MACROD1: variants seen among roughly 807,000 people sequenced by gnomAD.
The protein encoded by MACROD1 is ADP-ribose glycohydrolase MACROD1.
In MACROD1, 31 loss-of-function variants were observed where a neutral mutation model predicts 41.4. The ratio of observed to expected loss-of-function variants is 0.75; its 90% CI spans 0.56 to 1.01. MACROD1 has a LOEUF of 1.01. Among genes scored for constraint, MACROD1 ranks in the 50% least tolerant of loss-of-function variants. The probability of loss-of-function intolerance (pLI) is 0.00; values close to 1 mark genes in which losing one functional copy is unlikely to be tolerated. For missense variants in MACROD1, 473 were observed against 460.0 expected (o/e 1.03, Z -0.26); for synonymous variants, 252 against 203.4 (o/e 1.24, Z -2.03).
At chr11:64,031,261 C>G (rs1565201095) in intron 3 of MACROD1, among the ~76,000 whole-genome samples, 4 of 152,092 alleles carry the variant, frequency 2.6e-5, no homozygotes, top group Admixed American at 2.0e-4. Context: ...CTTGGGGCAC[C>G]CTCTCTGGGA....
At chr11:64,151,965 C>G (rs985029368) in intron 2 of MACROD1, among the ~76,000 whole-genome samples, 2 of 152,086 alleles carry the variant, frequency 1.3e-5, no homozygotes, top group Non-Finnish European at 2.9e-5. Flanking sequence ...CCCATCTCTA[C>G]TAAAAATACA....
intron 7 of MACROD1, 23 bp from the exon 8 acceptor site, chr11:63,999,427 G>A: frequency 6.4e-7 from 1 of 1,559,104 alleles, no homozygotes; most frequent in Non-Finnish European, 8.7e-7. Flanking sequence ...GGGCGGGAGT[G>A]AGTCCTAGGC....
chr11:64,165,840 C>T lies in MACROD1; in HGVS notation c.155G>A (p.Gly52Asp). Residue 52 changes from glycine (G) to aspartate (D), a missense_variant, in exon 1 of 11, where the codon GGC becomes GAC. Physicochemically the swap from Gly to Asp is moderately conservative, Grantham distance 94 (BLOSUM62 -1). Coordinates refer to ENST00000255681, the MANE Select transcript of MACROD1 (RefSeq NM_014067.4). Reference sequence around the variant, plus strand: ...TCCCGCCGAGGTCCGCGCACGGCGGCCGAACACGCCCAGGAACGCCGGGGG... The same window carrying T: ...TCCCGCCGAGGTCCGCGCACGGCGGTCGAACACGCCCAGGAACGCCGGGGG... ...CGPPAFLGVF[G>D]RRARTSAGVG... 2.0e-6 allele frequency: 3 copies of T among 1,474,652 alleles called. No homozygotes were observed. The highest frequency in any genetic ancestry group is 1.3e-5 in the South Asian group (1 of 75,724). The allele number at this position is 1,474,652 out of a possible 1,614,324, so 91.3% of individuals were successfully genotyped here.
At chr11:64,011,285 GGTTGGGGTGTTGGCTGGCATGTT>G (rs1488362166) in intron 4 of MACROD1, among the ~76,000 whole-genome samples, 8 of 151,082 alleles carry the variant, frequency 5.3e-5, no homozygotes, top group African/African-American at 9.7e-5. Flanking sequence ...CTGGCATGCT[GGTTGGGGTGTTGGCTGGCATGTT>G]GTTGGGGTGT....
At chr11:64,000,765 C>G (rs1044292867) in intron 4 of MACROD1, among the ~76,000 whole-genome samples, 2 of 152,046 alleles carry the variant, frequency 1.3e-5, no homozygotes, top group Non-Finnish European at 2.9e-5. Context: ...GGCCCGCGAC[C>G]AGTCGCTGCC....
At chr11:64,074,937 G>A (rs1944175733) in intron 3 of MACROD1, among the ~76,000 whole-genome samples, 1 of 152,176 alleles carries the variant, frequency 6.6e-6, no homozygotes, top group African/African-American at 2.4e-5. Context: ...GGGGCAAAAG[G>A]GGTCACTTCC....
intron 3 of MACROD1, among the ~76,000 whole-genome samples, chr11:64,113,331 A>G (rs1944894398): frequency 6.6e-6 from 1 of 152,258 alleles, no homozygotes; most frequent in Non-Finnish European, 1.5e-5. Flanking sequence ...GGAATATAGT[A>G]GATGCTCAAT....
chr11:64,030,830 C>T (rs1038243159), intron 3 of MACROD1, among the ~76,000 whole-genome samples: 11 of 150,996 alleles, frequency 7.3e-5, no homozygotes, highest in Admixed American at 5.3e-4. Flanking sequence ...GTGGGAGCAT[C>T]GCTTGAGCTC....
intron 3 of MACROD1, among the ~76,000 whole-genome samples, chr11:64,087,800 G>A (rs1476320476): frequency 1.3e-5 from 2 of 152,230 alleles, no homozygotes; most frequent in Non-Finnish European, 1.5e-5. Context: ...CGCCTGCCCA[G>A]GGCTGGCTTC....
At chr11:64,085,036 G>C (rs182171148) in intron 3 of MACROD1, among the ~76,000 whole-genome samples, 316 of 152,304 alleles carry the variant, frequency 2.1e-3, no homozygotes, top group African/African-American at 6.9e-3. Flanking sequence ...CCATTTTACA[G>C]ATAAAGAAAC....
intron 1 of MACROD1, among the ~76,000 whole-genome samples, chr11:64,154,038 G>C (rs1450069189): frequency 6.6e-6 from 1 of 152,118 alleles, no homozygotes; most frequent in Non-Finnish European, 1.5e-5. Flanking sequence ...ACAAGGTCAA[G>C]GTCACCACAC....
rs1384632826 is a variant in MACROD1 at position 63,999,762 on chromosome 11, G to A, written c.666C>T (p.Tyr222=). The A allele has an allele frequency of 6.2e-7, 1 of 1,605,386 alleles. No homozygotes were observed. Among genetic ancestry groups the A allele is most frequent in the Non-Finnish European group, 8.5e-7 (1 of 1,179,038 alleles). Residue 222 remains tyrosine, a splice_region_variant and synonymous_variant, in exon 6 of 11, where the codon TAC becomes TAT. Coordinates refer to ENST00000255681, the MANE Select transcript of MACROD1 (RefSeq NM_014067.4). ...CGATGGGCCCCACTGTGTGGATGACGTCTACGGGGGGCGACGGGGTCAGAC... is the reference window on the plus strand; with the variant it reads ...CGATGGGCCCCACTGTGTGGATGACATCTACGGGGGGCGACGGGGTCAGAC... ...ITGGYRLPAK[Y]VIHTVGPIAY... is the part of the protein sequence containing the mutation.
At chr11:64,073,654 G>C (rs565590726) in intron 3 of MACROD1, among the ~76,000 whole-genome samples, 15 of 152,246 alleles carry the variant, frequency 9.9e-5, no homozygotes, top group Non-Finnish European at 1.5e-4. Flanking sequence ...TCTGGGCCGG[G>C]AGCCTGTGAG....
chr11:64,060,761 A>G (rs976045384), intron 3 of MACROD1: 1 of 152,218 alleles, frequency 6.6e-6, no homozygotes, highest in African/African-American at 2.4e-5. Context: ...TTCACCGGAA[A>G]ATGCGAGACT....
rs78022440 is a variant in MACROD1, at chr11:64,002,710, C to G, written c.548-2367G>C. On this transcript the variant is annotated intron_variant, in intron 4 of 10. Coordinates refer to ENST00000255681, the MANE Select transcript of MACROD1 (RefSeq NM_014067.4). ...TAGCCATAGGCCCAAAGGACCCCTC[C>G]CACACACACTCCCAGAGTCCCCTTA... 2.5e-4 allele frequency among the ~76,000 whole-genome samples: 38 copies of G among 152,330 alleles called. 1 individual carries two copies. In the East Asian group the frequency reaches 7.3e-3, roughly 29 times the overall value.
At chr11:64,038,561 A>C (rs555161875) in intron 3 of MACROD1, among the ~76,000 whole-genome samples, 1 of 152,076 alleles carries the variant, frequency 6.6e-6, no homozygotes, top group South Asian at 2.1e-4. Flanking sequence ...GTGCAGGGGG[A>C]GGATGAGGCC....
chr11:64,115,971 C>T (rs1020182447), intron 3 of MACROD1, among the ~76,000 whole-genome samples: 7 of 152,340 alleles, frequency 4.6e-5, no homozygotes, highest in South Asian at 2.1e-4. Flanking sequence ...CTCATTAATG[C>T]GCAGCCTCTT....
At chr11:64,165,638 G>A (rs1945828852) in intron 1 of MACROD1, 59 bp downstream of exon 1, 1 of 1,318,908 alleles carries the variant, frequency 7.6e-7, no homozygotes, top group African/African-American at 1.5e-5. Context: ...GGGCCGCCCA[G>A]CCGGGAAGCT....
At chr11:64,037,657 G>A (rs1943407902) in intron 3 of MACROD1, among the ~76,000 whole-genome samples, 1 of 152,150 alleles carries the variant, frequency 6.6e-6, no homozygotes. Context: ...GTGTGTGTGT[G>A]TGTGCGCACC....
Sources: gnomAD v4.1 joint callset for allele counts (sites outside exome capture counted in the v4.1 genomes callset) on GRCh38, gnomAD v4.1.1 for gene constraint, MANE v1.5 for transcripts, NCBI Gene and HGNC (gene_info 2026-07-23, HGNC 2026-07-21) for gene names.